BMPR2: variants seen among roughly 807,000 people sequenced by gnomAD.
The protein encoded by BMPR2 is bone morphogenetic protein receptor type 2.
BMPR2 carries 29 observed loss-of-function variants against 100.8 expected under a neutral mutation model. The ratio of observed to expected loss-of-function variants is 0.29; its 90% CI spans 0.21 to 0.39. The LOEUF (loss-of-function observed/expected upper bound fraction) is 0.39. BMPR2 is among the 10% of genes least tolerant of loss of function. The pLI is 1.00. For missense variants in BMPR2, 1,011 were observed against 1,274.5 expected (o/e 0.79, Z 3.15); for synonymous variants, 382 against 442.3 (o/e 0.86, Z 1.71).
At position 202,446,200 on chromosome 2, in the gene BMPR2, AGACCAGCCT is replaced by A. The variant is rs949965762; in HGVS notation, c.77-18605_77-18597del. Among the ~76,000 whole-genome samples, 7 of 150,476 alleles carry A rather than the reference AGACCAGCCT, an allele frequency of 4.7e-5. 1 individual carries two copies. The highest frequency in any genetic ancestry group is 1.8e-4 in the African/African-American group (7 of 39,918). ...CGGATCCCCTGAGGTTGGGAGTTCA[AGACCAGCCT>A]GACAACATGGAGAAACCCTGTCTCT... On this transcript the variant is annotated intron_variant, in intron 1 of 12. Coordinates refer to ENST00000374580, the MANE Select transcript of BMPR2 (RefSeq NM_001204.7).
intron 1 of BMPR2, among the ~76,000 whole-genome samples, chr2:202,423,999 A>C (rs1032739722): frequency 6.8e-6 from 1 of 146,718 alleles, no homozygotes; most frequent in Non-Finnish European, 1.5e-5. Context: ...CTTGAACCTT[A>C]GAGGCGGAGG....
chr2:202,405,185 G>A (rs1690862660), intron 1 of BMPR2, among the ~76,000 whole-genome samples: 1 of 151,780 alleles, frequency 6.6e-6, no homozygotes, highest in Non-Finnish European at 1.5e-5. Context: ...ACTATAAATT[G>A]GACATTAATG....
At chr2:202,464,195 T>C (rs1014791689) in intron 1 of BMPR2, among the ~76,000 whole-genome samples, 4 of 151,320 alleles carry the variant, frequency 2.6e-5, no homozygotes, top group African/African-American at 9.7e-5. Context: ...TTTTTTTTTA[T>C]TGAAGTATAA....
rs1688707266 is a variant in BMPR2 at position 202,563,366 on chromosome 2, G to A, written c.*3420G>A. On this transcript the variant is annotated 3_prime_UTR_variant, in exon 13 of 13. Coordinates refer to ENST00000374580, the MANE Select transcript of BMPR2 (RefSeq NM_001204.7). ...GCAGGAGAATCTCTTGAACCCGAGAGGTGGAGGTTGCAGTGAGCTGAGATC... is the reference window on the plus strand; with the variant it reads ...GCAGGAGAATCTCTTGAACCCGAGAAGTGGAGGTTGCAGTGAGCTGAGATC... The A allele has an allele frequency of 6.6e-6, 1 of 152,248 alleles. No individual in the cohort carries two copies. Among genetic ancestry groups the A allele is most frequent in the Admixed American group, 6.5e-5 (1 of 15,274 alleles). The allele number at this position is 152,248 out of a possible 1,614,324, so 9.4% of individuals were successfully genotyped here. A position where few individuals can be genotyped will look rare whatever the true frequency, so the allele number is the denominator to read the frequency against.
At chr2:202,378,549 ACTTG>A (rs1690205301) in intron 1 of BMPR2, among the ~76,000 whole-genome samples, 1 of 152,204 alleles carries the variant, frequency 6.6e-6, no homozygotes, top group East Asian at 1.9e-4. Flanking sequence ...TACAGAGGTT[ACTTG>A]CTTATTTTCA....
At chr2:202,488,921 A>G (rs1254478980) in intron 3 of BMPR2, among the ~76,000 whole-genome samples, 2 of 151,772 alleles carry the variant, frequency 1.3e-5, no homozygotes, top group African/African-American at 4.8e-5. Context: ...GGCAATTACC[A>G]TTCCACTTTG....
rs140049204 is a variant in BMPR2 at position 202,552,887 on chromosome 2, C to T, written c.1585C>T (p.Arg529Cys). The T allele has an allele frequency of 5.2e-5, 84 of 1,614,124 alleles. No homozygotes were observed. Among genetic ancestry groups the T allele is most frequent in the Non-Finnish European group, 5.8e-5 (69 of 1,180,002 alleles). Residue 529 changes from arginine (R) to cysteine (C), a missense_variant and splice_region_variant, in exon 11 of 13, where the codon CGC becomes TGC. Transcript: ENST00000374580. ...AATGTCTACTGCTATGCAGAATGAA[C>T]GGTAAGACCCTAAGGGGTGTGGCAT... ...NPMSTAMQNE[R>C]NLSHNRRVPK...
chr2:202,562,738 A>G lies in BMPR2; in HGVS notation c.*2792A>G, dbSNP rs1269979118. 3 of 152,200 alleles carry G rather than the reference A, an allele frequency of 2.0e-5. No homozygotes were observed. Among genetic ancestry groups the G allele is most frequent in the Non-Finnish European group, 4.4e-5 (3 of 68,010 alleles). The allele number at this position is 152,200 out of a possible 1,614,324, so 9.4% of individuals were successfully genotyped here. On this transcript the variant is annotated 3_prime_UTR_variant, in exon 13 of 13. Transcript: ENST00000374580. ...GTTCCCTTAACAAAATCCTAACTGT[A>G]TACCAGAATTAGGTCACTGAAAGAA...
intron 10 of BMPR2, among the ~76,000 whole-genome samples, chr2:202,552,436 A>G (rs1244498921): frequency 1.3e-5 from 2 of 152,248 alleles, no homozygotes; most frequent in South Asian, 2.1e-4. Flanking sequence ...ATTAGCAACA[A>G]TGACCTAAAC....
At chr2:202,528,844 A>G (rs1687965362) in intron 7 of BMPR2, among the ~76,000 whole-genome samples, 1 of 152,224 alleles carries the variant, frequency 6.6e-6, no homozygotes, top group Non-Finnish European at 1.5e-5. Flanking sequence ...CTGTATGCCT[A>G]TACTATACTA....
chr2:202,504,003 TG>T (rs956023325), intron 3 of BMPR2, among the ~76,000 whole-genome samples: 12 of 152,108 alleles, frequency 7.9e-5, no homozygotes, highest in African/African-American at 2.9e-4. Context: ...GCTACTCTGG[TG>T]GGGCCTTATA....
At chr2:202,380,965 CTTT>C (rs1159400445) in intron 1 of BMPR2, among the ~76,000 whole-genome samples, 23 of 70,784 alleles carry the variant, frequency 3.2e-4, no homozygotes, top group African/African-American at 1.3e-3. Context: ...TTCTTTCTTT[CTTT>C]TTTTTTTTTT....
At chr2:202,502,013 A>G (rs895950037) in intron 3 of BMPR2, among the ~76,000 whole-genome samples, 1 of 152,362 alleles carries the variant, frequency 6.6e-6, no homozygotes, top group Admixed American at 6.5e-5. Context: ...TGATGTAACC[A>G]TACTTGAAAG....
chr2:202,549,100 T>A (rs1688426974), intron 10 of BMPR2, among the ~76,000 whole-genome samples: 1 of 152,190 alleles, frequency 6.6e-6, no homozygotes, highest in Non-Finnish European at 1.5e-5. Flanking sequence ...AGAGATTAGT[T>A]TACATTTTCT....
At position 202,422,272 on chromosome 2, in the gene BMPR2, G is replaced by A. The variant is rs142457758; in HGVS notation, c.77-42537G>A. Among the ~76,000 whole-genome samples, 20 of 152,050 alleles carry A rather than the reference G, an allele frequency of 1.3e-4. No homozygotes were observed. In the East Asian group the frequency reaches 3.9e-3, roughly 30 times the overall value. ...TACATGTGAATGACAGCTGCTATTTGTCTTGTAGCTGATTCAAAGTACTCA... is the reference window on the plus strand; with the variant it reads ...TACATGTGAATGACAGCTGCTATTTATCTTGTAGCTGATTCAAAGTACTCA... On this transcript the variant is annotated intron_variant, in intron 1 of 12. Coordinates refer to ENST00000374580, the MANE Select transcript of BMPR2 (RefSeq NM_001204.7).
intron 5 of BMPR2, among the ~76,000 whole-genome samples, chr2:202,518,282 C>T (rs749234246): frequency 2.0e-4 from 31 of 151,580 alleles, no homozygotes; most frequent in Non-Finnish European, 2.9e-4. Context: ...GGATTACAGG[C>T]GTGTGCCATG....
At chr2:202,389,721 A>G (rs1204693359) in intron 1 of BMPR2, among the ~76,000 whole-genome samples, 1 of 150,318 alleles carries the variant, frequency 6.7e-6, no homozygotes, top group Non-Finnish European at 1.5e-5. Flanking sequence ...GGCTCACCGC[A>G]ACCTCCGCCT....
intron 1 of BMPR2, among the ~76,000 whole-genome samples, chr2:202,386,806 G>A (rs1179748704): frequency 2.6e-5 from 4 of 151,746 alleles, no homozygotes; most frequent in African/African-American, 7.3e-5. Flanking sequence ...TCAGCCTCCC[G>A]AGTAGATGGG....
intron 5 of BMPR2, among the ~76,000 whole-genome samples, chr2:202,518,393 C>T (rs1469032158): frequency 6.6e-6 from 1 of 152,114 alleles, no homozygotes. Flanking sequence ...CCACCTCAGC[C>T]TCCCAAAGTG....
Sources: allele counts gnomAD v4.1 joint callset (sites outside exome capture counted in the v4.1 genomes callset), GRCh38; gene constraint gnomAD v4.1.1; transcripts MANE v1.5; gene names NCBI Gene and HGNC (gene_info 2026-07-23, HGNC 2026-07-21).